OTOGL: variants seen among roughly 807,000 people sequenced by gnomAD.
OTOGL encodes otogelin-like protein.
OTOGL carries 285 observed loss-of-function variants against 318.5 expected under a neutral mutation model. The ratio of observed to expected loss-of-function variants is 0.89; its 90% confidence interval spans 0.81 to 0.99. The LOEUF is 0.99. OTOGL is among the 50% of genes least tolerant of loss of function. The probability of loss-of-function intolerance (pLI) is 0.00; values close to 1 mark genes in which losing one functional copy is unlikely to be tolerated. For synonymous variants in OTOGL, 987 were observed against 936.5 expected, an observed-to-expected ratio of 1.05 and a Z score of -0.99; for missense variants, 2,899 against 2,845.6, an observed-to-expected ratio of 1.02 and a Z score of -0.43.
intron 1 of OTOGL, among the ~76,000 whole-genome samples, chr12:80,126,723 C>T (rs1213644039): frequency 6.6e-6 from 1 of 152,118 alleles, no homozygotes. Context: ...TCTGGGTGCT[C>T]TTGTATTGGG....
At chr12:80,214,496 C>G (rs1344142111) in intron 4 of OTOGL, among the ~76,000 whole-genome samples, 1 of 152,144 alleles carries the variant, frequency 6.6e-6, no homozygotes, top group Non-Finnish European at 1.5e-5. Context: ...GAAGCTAGTG[C>G]TGAAGTTGCA....
At chr12:80,301,135 A>T (rs377629258) in intron 27 of OTOGL, among the ~76,000 whole-genome samples, 98 of 152,314 alleles carry the variant, frequency 6.4e-4, no homozygotes, top group African/African-American at 2.3e-3. Flanking sequence ...TGAAGGAGAA[A>T]AGTAACCAAA....
chr12:80,351,176 TG>T (rs1889520788), intron 44 of OTOGL, among the ~76,000 whole-genome samples: 1 of 152,248 alleles, frequency 6.6e-6, no homozygotes, highest in East Asian at 1.9e-4. Flanking sequence ...TTCCCCATTG[TG>T]TACTCTTGGC....
At chr12:80,152,644 C>T (rs1872857746) in intron 1 of OTOGL, among the ~76,000 whole-genome samples, 1 of 152,116 alleles carries the variant, frequency 6.6e-6, no homozygotes, top group Admixed American at 6.6e-5. Context: ...AATCCAATCG[C>T]CTGTTGCAAA....
At chr12:80,199,155 CTA>C (rs1227846518) in intron 1 of OTOGL, among the ~76,000 whole-genome samples, 7 of 152,178 alleles carry the variant, frequency 4.6e-5, no homozygotes, top group African/African-American at 7.2e-5. Context: ...CCTCACTTTG[CTA>C]TACCCACATC....
rs117167270 is a variant in OTOGL, at chr12:80,252,525, A to G, written c.1285+324A>G. On this transcript the variant is annotated intron_variant, in intron 13 of 58. Transcript: ENST00000547103. ...TTTAAAAAAGGAAAGGAAGTTTGAG[A>G]GAAAGGTTTCACATTTTTCTGGCAC... 0.011 allele frequency among the ~76,000 whole-genome samples: 1,640 copies of G among 152,278 alleles called. 18 individuals are homozygous for G. The highest frequency in any genetic ancestry group is 0.022 in the Admixed American group (334 of 15,286).
At chr12:80,210,110 A>C (rs561127138) in intron 2 of OTOGL, among the ~76,000 whole-genome samples, 1 of 152,116 alleles carries the variant, frequency 6.6e-6, no homozygotes, top group African/African-American at 2.4e-5. Context: ...ATAAACACAC[A>C]CAAAATTAAA....
rs570979561 is a variant in OTOGL, at chr12:80,220,869, T to C, written c.334+957T>C. 2.0e-5 allele frequency among the ~76,000 whole-genome samples: 3 copies of C among 152,140 alleles called. No homozygotes were observed. In the South Asian group the frequency reaches 6.2e-4, roughly 32 times the overall value. On this transcript the variant is annotated intron_variant, in intron 6 of 58. Coordinates refer to ENST00000547103, the MANE Select transcript of OTOGL (RefSeq NM_001378609.3). ...AGGTGCTGTAAAGTACAAGATGCTA[T>C]GAAAAAATGAAGCAGAGGTGGGGCA...
intron 27 of OTOGL, among the ~76,000 whole-genome samples, chr12:80,302,339 C>T (rs1391545551): frequency 1.3e-5 from 2 of 152,202 alleles, no homozygotes; most frequent in African/African-American, 2.4e-5. Flanking sequence ...CACTTAATGT[C>T]TTCTGTGTCC....
At chr12:80,239,023 A>G (rs370082235) in intron 10 of OTOGL, 45 bp downstream of exon 10, 468 of 1,534,548 alleles carry the variant, frequency 3.0e-4, no homozygotes, top group Non-Finnish European at 4.0e-4. Flanking sequence ...CAGAATACAC[A>G]TATATCTTAT....
At chr12:80,235,342 A>G (rs1324855807) in intron 9 of OTOGL, among the ~76,000 whole-genome samples, 1 of 151,792 alleles carries the variant, frequency 6.6e-6, no homozygotes, top group African/African-American at 2.4e-5. Flanking sequence ...GCAGACACCT[A>G]TAATCCCAGC....
rs180965621 is a variant in OTOGL, at chr12:80,294,221, G to A, written c.2929-2606G>A. Among the ~76,000 whole-genome samples the A allele has an allele frequency of 7.8e-4, 118 of 151,842 alleles. 1 individual carries two copies. The highest frequency in any genetic ancestry group is 1.5e-3 in the Admixed American group (23 of 15,238). ...GAAAGTATAGAAATGTGACTTTTAG[G>A]TGTATTGCTATTGTTACAAATTACT... On this transcript the variant is annotated intron_variant, in intron 26 of 58. Transcript: ENST00000547103.
At chr12:80,179,080 C>T (rs938648800) in intron 1 of OTOGL, among the ~76,000 whole-genome samples, 9 of 150,988 alleles carry the variant, frequency 6.0e-5, no homozygotes, top group African/African-American at 2.0e-4. Context: ...AGGAGACTGG[C>T]TTGGTTTTTA....
chr12:80,133,477 CTTCT>C (rs1159761799), intron 1 of OTOGL: 1 of 152,094 alleles, frequency 6.6e-6, no homozygotes, highest in Non-Finnish European at 1.5e-5. Flanking sequence ...ATGTTTCTTT[CTTCT>C]TTATTTTTTG....
At chr12:80,306,691 T>C (rs1208324398) in intron 29 of OTOGL, among the ~76,000 whole-genome samples, 1 of 152,030 alleles carries the variant, frequency 6.6e-6, no homozygotes, top group East Asian at 1.9e-4. Flanking sequence ...GTGGCTATCT[T>C]ACATCTTGTT....
intron 30 of OTOGL, among the ~76,000 whole-genome samples, chr12:80,311,869 T>C (rs948471215): frequency 6.6e-6 from 1 of 152,202 alleles, no homozygotes; most frequent in African/African-American, 2.4e-5. Context: ...AATGAGTTTT[T>C]TGTTGATCTA....
rs1472909421 is a variant in OTOGL, at chr12:80,239,319, CT to C, written c.946-7del. 4.5e-6 allele frequency: 7 copies of C among 1,566,244 alleles called. No individual in the cohort carries two copies. Among genetic ancestry groups the C allele is most frequent in the Non-Finnish European group, 6.1e-6 (7 of 1,144,316 alleles). On this transcript the variant is annotated splice_polypyrimidine_tract_variant and intron_variant, in intron 10 of 58. Transcript: ENST00000547103. ...TGAAACATAGTCTAGTGACTGCCAT[CT>C]TTTTTTGCACAGGCAATCTTCTTCA...
intron 11 of OTOGL, among the ~76,000 whole-genome samples, chr12:80,246,311 G>C (rs1259950784): frequency 6.8e-6 from 1 of 147,482 alleles, no homozygotes; most frequent in Non-Finnish European, 1.5e-5. Context: ...GTCATAGATA[G>C]CTCTTATTAT....
At chr12:80,155,182 T>C (rs1873036446) in intron 1 of OTOGL, among the ~76,000 whole-genome samples, 1 of 152,212 alleles carries the variant, frequency 6.6e-6, no homozygotes, top group Admixed American at 6.5e-5. Flanking sequence ...ATAACAATTC[T>C]TTATCAGATA....
Sources: allele counts gnomAD v4.1 joint callset (sites outside exome capture counted in the v4.1 genomes callset), GRCh38; gene constraint gnomAD v4.1.1; transcripts MANE v1.5; gene names NCBI Gene and HGNC (gene_info 2026-07-23, HGNC 2026-07-21).